EED: variants seen among roughly 807,000 people sequenced by gnomAD.
The protein encoded by EED is polycomb protein EED.
EED carries 9 observed loss-of-function variants against 61.0 expected under a neutral mutation model. The observed-to-expected ratio is 0.15, with a 90% CI of 0.09 to 0.26. The LOEUF is 0.26. EED is among the 10% of genes least tolerant of loss of function. EED has a pLI of 1.00. For missense variants in EED, 315 were observed against 542.3 expected (o/e 0.58, Z 4.16); for synonymous variants, 187 against 174.4 (o/e 1.07, Z -0.57).
chr11:86,263,691 T>A (rs970887608), intron 6 of EED, among the ~76,000 whole-genome samples: 2 of 152,186 alleles, frequency 1.3e-5, no homozygotes, highest in African/African-American at 4.8e-5. Flanking sequence ...GGGTGATTTA[T>A]AATGAACAAA....
At chr11:86,252,744 ATTGTTGTTGTTG>A (rs377482360) in intron 3 of EED, among the ~76,000 whole-genome samples, 1 of 151,174 alleles carries the variant, frequency 6.6e-6, no homozygotes, top group African/African-American at 2.4e-5. Context: ...TTTGGTGGTG[ATTGTTGTTGTTG>A]TTGTTGTTGT....
intron 3 of EED, among the ~76,000 whole-genome samples, chr11:86,254,477 C>T (rs1394739217): frequency 6.6e-6 from 1 of 151,602 alleles, no homozygotes; most frequent in African/African-American, 2.4e-5. Context: ...CATGCCACCA[C>T]ACCCACCTAA....
At chr11:86,272,272 A>G (rs112663542) in intron 9 of EED, among the ~76,000 whole-genome samples, 6 of 150,174 alleles carry the variant, frequency 4.0e-5, no homozygotes, top group African/African-American at 1.5e-4. Flanking sequence ...GTTAGCCAGG[A>G]TGGTCTCGAT....
chr11:86,252,499 G>GTCTTCAT (rs1261176364), intron 3 of EED, among the ~76,000 whole-genome samples: 1 of 118,746 alleles, frequency 8.4e-6, no homozygotes, highest in Admixed American at 1.0e-4. Context: ...ATACTTGGTT[G>GTCTTCAT]AAAGAATTGG....
chr11:86,275,985 T>C (rs567312751), intron 9 of EED: 1 of 152,334 alleles, frequency 6.6e-6, no homozygotes, highest in East Asian at 1.9e-4. Flanking sequence ...CTGCCACCTG[T>C]CACTATATTA....
chr11:86,246,963 A>G (rs1945407814), intron 1 of EED, among the ~76,000 whole-genome samples: 1 of 152,200 alleles, frequency 6.6e-6, no homozygotes, highest in Non-Finnish European at 1.5e-5. Context: ...CATAGTAAGT[A>G]CTATACACAT....
intron 7 of EED, chr11:86,265,881 T>A (rs879250055): frequency 2.6e-6 from 1 of 388,360 alleles, no homozygotes; most frequent in Non-Finnish European, 4.6e-6. Context: ...AATGCTCTTA[T>A]ATTCCGATGT....
intron 9 of EED, among the ~76,000 whole-genome samples, chr11:86,274,125 G>T (rs1555179971): frequency 1.3e-5 from 2 of 150,148 alleles, no homozygotes; most frequent in Non-Finnish European, 3.0e-5. Flanking sequence ...GTTCAGATTG[G>T]GTAATTTCTA....
At chr11:86,270,167 T>C (rs1171445605) in intron 9 of EED, 2 of 700,304 alleles carry the variant, frequency 2.9e-6, no homozygotes, top group South Asian at 1.5e-5. Flanking sequence ...GGTATTGTCA[T>C]TATTTTTTAT....
At chr11:86,273,269 T>G (rs1301204148) in intron 9 of EED, among the ~76,000 whole-genome samples, 1 of 152,236 alleles carries the variant, frequency 6.6e-6, no homozygotes, top group African/African-American at 2.4e-5. Context: ...GTGATTCCCC[T>G]GCATTGGCCT....
chr11:86,250,076 G>C (rs780076865), intron 1 of EED, among the ~76,000 whole-genome samples: 1 of 152,144 alleles, frequency 6.6e-6, no homozygotes, highest in Non-Finnish European at 1.5e-5. Context: ...ATTCTCATTA[G>C]TATTTATTTC....
At chr11:86,251,342 A>T (rs886976066) in intron 2 of EED, among the ~76,000 whole-genome samples, 1 of 152,218 alleles carries the variant, frequency 6.6e-6, no homozygotes, top group African/African-American at 2.4e-5. Flanking sequence ...ACATTAACGT[A>T]CTACTTTTAG....
chr11:86,261,053 G>T (rs192491341), intron 6 of EED, among the ~76,000 whole-genome samples: 234 of 152,054 alleles, frequency 1.5e-3, no homozygotes, highest in Non-Finnish European at 2.9e-3. Context: ...TTTTTCGGGG[G>T]TTCATTTAAG....
intron 2 of EED, 49 bp downstream of exon 2, chr11:86,250,497 T>C: frequency 6.9e-7 from 1 of 1,459,234 alleles, no homozygotes; most frequent in Non-Finnish European, 9.1e-7. Flanking sequence ...CTTCAGAAAT[T>C]ATTTCTCTGT....
chr11:86,262,593 G>A lies in EED; in HGVS notation c.635-1579G>A, dbSNP rs141833968. Among the ~76,000 whole-genome samples, 672 of 152,092 alleles carry A rather than the reference G, an allele frequency of 4.4e-3. 3 individuals are homozygous for A. The highest frequency in any genetic ancestry group is 0.01 in the Admixed American group (154 of 15,272). The stretch of plus-strand genomic sequence containing the variant: ...ACGATTCAGCATGAAGGCCCTCACC[G>A]GATGCCGGCACCATGCCAGTGATCC... On this transcript the variant is annotated intron_variant, in intron 6 of 11. Transcript: ENST00000263360.
At chr11:86,278,312 T>C (rs759914436) in intron 11 of EED, 87 bp from the exon 12 acceptor site, 2 of 1,515,704 alleles carry the variant, frequency 1.3e-6, no homozygotes, top group African/African-American at 2.8e-5. Context: ...ACTTGGAACA[T>C]CTGCTTATTT....
the EED span, among the ~76,000 whole-genome samples, chr11:86,285,942 T>C: frequency 2.6e-5 from 4 of 152,180 alleles, no homozygotes; most frequent in East Asian, 3.9e-4. Flanking sequence ...TTACCTCTTA[T>C]GTGAAATTAG....
chr11:86,250,468 C>T lies in EED; in HGVS notation c.267+20C>T. 1 of 1,542,088 alleles carries T rather than the reference C, an allele frequency of 6.5e-7. No individual in the cohort carries two copies. Among genetic ancestry groups the T allele is most frequent in the South Asian group, 1.2e-5 (1 of 80,038 alleles). ...CTCAAGGTATGTGCAAAAAAAGATCCTTTGGGCTGAATGCTAGGCTTCAGA... is the reference window on the plus strand; with the variant it reads ...CTCAAGGTATGTGCAAAAAAAGATCTTTTGGGCTGAATGCTAGGCTTCAGA... On this transcript the variant is annotated intron_variant, in intron 2 of 11. Transcript: ENST00000263360.
chr11:86,245,289 G>A lies in EED; in HGVS notation c.60G>A (p.Lys20=). Residue 20 remains lysine, a synonymous_variant, in exon 1 of 12, where the codon AAG becomes AAA. Transcript: ENST00000263360. ...PAGTDMPAAK[K]QKLSSDENSN... Reference sequence around the variant, plus strand: ...GAACAGACATGCCTGCGGCCAAGAAGCAGAAGCTGAGCAGTGACGAGAACA... The same window carrying A: ...GAACAGACATGCCTGCGGCCAAGAAACAGAAGCTGAGCAGTGACGAGAACA... 1 of 1,613,520 alleles carries A rather than the reference G, an allele frequency of 6.2e-7. No individual in the cohort carries two copies. Among genetic ancestry groups the A allele is most frequent in the South Asian group, 1.1e-5 (1 of 91,056 alleles).
Sources: gnomAD v4.1 joint callset for allele counts (sites outside exome capture counted in the v4.1 genomes callset) on GRCh38, gnomAD v4.1.1 for gene constraint, MANE v1.5 for transcripts, NCBI Gene and HGNC (gene_info 2026-07-23, HGNC 2026-07-21) for gene names.